The following PBX3 variants were observed in gnomAD, a reference collection of about 807,000 sequenced individuals.
The protein encoded by PBX3 is pre-B-cell leukemia transcription factor 3.
A neutral mutation model predicts 48.5 loss-of-function variants in PBX3; 14 were observed. The ratio of observed to expected loss-of-function variants is 0.29; its 90% CI spans 0.19 to 0.45. The LOEUF (loss-of-function observed/expected upper bound fraction) is 0.45, where lower values mean the gene tolerates loss of function less well. Among genes scored for constraint, PBX3 ranks in the 20% least tolerant of loss-of-function variants. The probability of loss-of-function intolerance (pLI) is 1.00; values close to 1 mark genes in which losing one functional copy is unlikely to be tolerated. For synonymous variants in PBX3, 210 were observed against 200.3 expected (o/e 1.05, Z -0.41); for missense variants, 386 against 546.7 (o/e 0.71, Z 2.93).
chr9:125,840,096 T>G (rs1839247323), intron 2 of PBX3, among the ~76,000 whole-genome samples: 1 of 152,122 alleles, frequency 6.6e-6, no homozygotes, highest in Non-Finnish European at 1.5e-5. Context: ...CAGACCTGTC[T>G]TCTTTTTTTT....
chr9:125,763,268 A>G (rs1339947262), intron 2 of PBX3, among the ~76,000 whole-genome samples: 5 of 152,210 alleles, frequency 3.3e-5, no homozygotes, highest in Admixed American at 2.0e-4. Context: ...CCTGAATTTA[A>G]TGATTTTGTA....
At chr9:125,890,201 C>G in intron 2 of PBX3, among the ~76,000 whole-genome samples, 1 of 152,176 alleles carries the variant, frequency 6.6e-6, no homozygotes, top group Admixed American at 6.5e-5. Context: ...GACTGCATAA[C>G]CACCATGTGA....
chr9:125,933,854 C>A (rs999651413), intron 4 of PBX3, among the ~76,000 whole-genome samples: 1 of 152,148 alleles, frequency 6.6e-6, no homozygotes, highest in Non-Finnish European at 1.5e-5. Flanking sequence ...ATAAATTTGA[C>A]ATTTTCAGTA....
chr9:125,929,731 A>G lies in PBX3; in HGVS notation c.593A>G (p.Glu198Gly), dbSNP rs552732781. 1 of 1,613,892 alleles carries G rather than the reference A, an allele frequency of 6.2e-7. No individual in the cohort carries two copies. Among genetic ancestry groups the G allele is most frequent in the South Asian group, 1.1e-5 (1 of 91,056 alleles). ...QSRTRPISPK[E>G]IERMVGIIHR... ...AGAACACGTCCCATTTCTCCAAAAG[A>G]GATTGAAAGAATGGTGGGCATCATC... Residue 198 changes from glutamate (E) to glycine (G), a missense_variant, in exon 4 of 9, where the codon GAG becomes GGG. Around this residue, in one of 4 missense-constraint regions of PBX3, gnomAD observed 74 missense variants for 206.1 expected, o/e 0.36. Transcript: ENST00000373489.
intron 2 of PBX3, among the ~76,000 whole-genome samples, chr9:125,910,045 A>G (rs973265222): frequency 1.3e-5 from 2 of 152,168 alleles, no homozygotes; most frequent in South Asian, 4.1e-4. Context: ...AGTGAAGGAA[A>G]TGGAGGTGTG....
chr9:125,836,147 T>TA (rs201048002), intron 2 of PBX3, among the ~76,000 whole-genome samples: 1 of 151,996 alleles, frequency 6.6e-6, no homozygotes, highest in Admixed American at 6.6e-5. Flanking sequence ...AAGTGGAAGC[T>TA]AAAAAAAATT....
intron 2 of PBX3, among the ~76,000 whole-genome samples, chr9:125,838,600 A>C (rs953822248): frequency 6.6e-6 from 1 of 152,254 alleles, no homozygotes; most frequent in African/African-American, 2.4e-5. Context: ...CACATTCTTA[A>C]GATATAACCA....
intron 3 of PBX3, among the ~76,000 whole-genome samples, chr9:125,917,928 C>A (rs1243569256): frequency 6.6e-6 from 1 of 152,044 alleles, no homozygotes; most frequent in Non-Finnish European, 1.5e-5. Context: ...ATGTAAAAAT[C>A]CCACTTTCTG....
intron 5 of PBX3, among the ~76,000 whole-genome samples, chr9:125,943,539 A>G (rs1434781969): frequency 1.3e-5 from 2 of 151,496 alleles, no homozygotes; most frequent in Non-Finnish European, 2.9e-5. Context: ...CTTCTTTCCA[A>G]TTGAGTATTC....
chr9:125,925,782 T>A (rs969220509), intron 3 of PBX3, among the ~76,000 whole-genome samples: 1 of 152,252 alleles, frequency 6.6e-6, no homozygotes, highest in Non-Finnish European at 1.5e-5. Context: ...AATATGTGGC[T>A]CACAATGTAT....
intron 2 of PBX3, among the ~76,000 whole-genome samples, chr9:125,897,145 T>G (rs1396371652): frequency 6.9e-6 from 1 of 145,572 alleles, no homozygotes; most frequent in Non-Finnish European, 1.5e-5. Context: ...TTTGTGGTTT[T>G]TTTTTTTTTT....
intron 2 of PBX3, among the ~76,000 whole-genome samples, chr9:125,832,592 T>G (rs1311549789): frequency 6.6e-6 from 1 of 152,258 alleles, no homozygotes; most frequent in Non-Finnish European, 1.5e-5. Context: ...ACTGAAGAGA[T>G]AGACAGTTAT....
intron 2 of PBX3, among the ~76,000 whole-genome samples, chr9:125,807,344 AAAAAG>A (rs1432569278): frequency 6.6e-6 from 1 of 150,420 alleles, no homozygotes; most frequent in Non-Finnish European, 1.5e-5. Context: ...AAAGAAAAAA[AAAAAG>A]AAAATATTAA....
In PBX3 at chr9:125,853,564, A is replaced by G. The variant is rs142908686; in HGVS notation, c.275-62122A>G. ...GGATGCCACAAATGGCCCCCTAACAATTGAGACTTTTGGATGACTTTAGGT... is the reference window on the plus strand; with the variant it reads ...GGATGCCACAAATGGCCCCCTAACAGTTGAGACTTTTGGATGACTTTAGGT... On this transcript the variant is annotated intron_variant, in intron 2 of 8. Coordinates refer to ENST00000373489, the MANE Select transcript of PBX3 (RefSeq NM_006195.6). Among the ~76,000 whole-genome samples, 127 of 152,340 alleles carry G rather than the reference A, an allele frequency of 8.3e-4. 1 individual carries two copies. Among genetic ancestry groups the G allele is most frequent in the African/African-American group, 2.8e-3 (118 of 41,596 alleles).
intron 2 of PBX3, among the ~76,000 whole-genome samples, chr9:125,861,602 T>C (rs1360440055): frequency 6.6e-6 from 1 of 152,212 alleles, no homozygotes; most frequent in African/African-American, 2.4e-5. Flanking sequence ...AAACAAATTA[T>C]GGTATATCCA....
At chr9:125,755,653 T>C (rs1029096658) in intron 2 of PBX3, among the ~76,000 whole-genome samples, 2 of 150,906 alleles carry the variant, frequency 1.3e-5, no homozygotes, top group Non-Finnish European at 3.0e-5. Context: ...TTGAGAGCTT[T>C]AGCATCAGGA....
At chr9:125,858,147 T>C (rs1198864343) in intron 2 of PBX3, among the ~76,000 whole-genome samples, 1 of 152,174 alleles carries the variant, frequency 6.6e-6, no homozygotes, top group Admixed American at 6.5e-5. Flanking sequence ...GAGGATCACA[T>C]GAGCCTAGGA....
intron 2 of PBX3, among the ~76,000 whole-genome samples, chr9:125,778,605 C>CT (rs138965100): frequency 0.08 from 10,569 of 132,834 alleles, 1,167 homozygotes; most frequent in African/African-American, 0.25. Context: ...TTGATCTTTT[C>CT]TTTTTTTTTT....
intron 2 of PBX3, among the ~76,000 whole-genome samples, chr9:125,873,387 C>T (rs772196980): frequency 2.6e-5 from 4 of 151,998 alleles, no homozygotes; most frequent in Non-Finnish European, 5.9e-5. Context: ...TCACCAGCAA[C>T]TATAGAATAT....
Sources: allele counts gnomAD v4.1 joint callset (sites outside exome capture counted in the v4.1 genomes callset), GRCh38; gene constraint gnomAD v4.1.1; regional missense constraint gnomAD v4.1.1; transcripts MANE v1.5; gene names NCBI Gene and HGNC (gene_info 2026-07-23, HGNC 2026-07-21).